RAB3C: variants seen among roughly 807,000 people sequenced by gnomAD.
RAB3C encodes ras-related protein Rab-3C.
A neutral mutation model predicts 26.4 loss-of-function variants in RAB3C; 17 were observed. The observed-to-expected ratio is 0.64, with a 90% confidence interval of 0.44 to 0.97. The LOEUF is 0.97. RAB3C is among the 50% of genes least tolerant of loss of function. RAB3C has a pLI of 0.00. For synonymous variants in RAB3C, 91 were observed against 95.9 expected, an observed-to-expected ratio of 0.95 and a Z score of 0.30; for missense variants, 242 against 281.9, an observed-to-expected ratio of 0.86 and a Z score of 1.01.
intron 1 of RAB3C, among the ~76,000 whole-genome samples, chr5:58,592,199 C>T (rs1384716976): frequency 1.3e-5 from 2 of 152,042 alleles, no homozygotes; most frequent in African/African-American, 4.8e-5. Flanking sequence ...GCACCCAGCC[C>T]TCTATGTTGG....
chr5:58,714,199 T>C (rs898199886), intron 2 of RAB3C, among the ~76,000 whole-genome samples: 48 of 152,078 alleles, frequency 3.2e-4, no homozygotes, highest in African/African-American at 1.1e-3. Flanking sequence ...TGAATGGTAG[T>C]ATGGATGGTG....
chr5:58,664,379 A>T (rs1048831689), intron 2 of RAB3C, among the ~76,000 whole-genome samples: 2 of 152,190 alleles, frequency 1.3e-5, no homozygotes, highest in African/African-American at 4.8e-5. Flanking sequence ...CAAAGGTCAT[A>T]TATTATATGA....
At chr5:58,776,673 C>A (rs534440401) in intron 3 of RAB3C, among the ~76,000 whole-genome samples, 1 of 152,142 alleles carries the variant, frequency 6.6e-6, no homozygotes, top group Non-Finnish European at 1.5e-5. Flanking sequence ...AACAGATAAA[C>A]CACAAATCTT....
chr5:58,658,154 G>A (rs184693838), intron 2 of RAB3C, among the ~76,000 whole-genome samples: 7 of 152,234 alleles, frequency 4.6e-5, no homozygotes, highest in East Asian at 1.9e-4. Context: ...TGCCTATATC[G>A]GGTCATTTAA....
chr5:58,663,225 A>G (rs1231613130), intron 2 of RAB3C, among the ~76,000 whole-genome samples: 1 of 150,000 alleles, frequency 6.7e-6, no homozygotes, highest in Non-Finnish European at 1.5e-5. Flanking sequence ...GGTTTAGAGA[A>G]TTAAAATATT....
At chr5:58,767,500 A>G (rs1376304368) in intron 3 of RAB3C, among the ~76,000 whole-genome samples, 1 of 152,250 alleles carries the variant, frequency 6.6e-6, no homozygotes, top group Non-Finnish European at 1.5e-5. Context: ...GTCCTTGCTG[A>G]ATTCAAAAAG....
chr5:58,751,081 A>C (rs947095113), intron 3 of RAB3C, among the ~76,000 whole-genome samples: 1 of 152,084 alleles, frequency 6.6e-6, no homozygotes, highest in Non-Finnish European at 1.5e-5. Context: ...CTCGAACTCC[A>C]GGCCTCAAGT....
At chr5:58,793,089 T>A (rs1371043077) in intron 3 of RAB3C, among the ~76,000 whole-genome samples, 1 of 151,760 alleles carries the variant, frequency 6.6e-6, no homozygotes, top group East Asian at 1.9e-4. Flanking sequence ...TGGAGGGGAG[T>A]CAGCAGCCCA....
At position 58,852,520 on chromosome 5, in the gene RAB3C, TC is replaced by T. The variant is rs1744135286; in HGVS notation, c.*1171del. ...GATGTTCATAAATTCTAAAGCATATTCCTATTACGTGAATGCTTAAGTTACA... is the reference window on the plus strand; with the variant it reads ...GATGTTCATAAATTCTAAAGCATATTCTATTACGTGAATGCTTAAGTTACA... On this transcript the variant is annotated 3_prime_UTR_variant, in exon 5 of 5. Coordinates refer to ENST00000282878, the MANE Select transcript of RAB3C (RefSeq NM_138453.4). 4.6e-5 allele frequency: 7 copies of T among 152,328 alleles called. No individual in the cohort carries two copies. In the South Asian group the frequency reaches 1.4e-3, roughly 32 times the overall value. The allele number at this position is 152,328 out of a possible 1,614,324, so 9.4% of individuals were successfully genotyped here.
At chr5:58,816,614 A>G (rs1281434526) in intron 3 of RAB3C, among the ~76,000 whole-genome samples, 1 of 152,158 alleles carries the variant, frequency 6.6e-6, no homozygotes, top group Admixed American at 6.6e-5. Context: ...TCCCATACTT[A>G]ATTATGTATT....
intron 3 of RAB3C, among the ~76,000 whole-genome samples, chr5:58,804,232 G>A (rs1742881682): frequency 6.6e-6 from 1 of 152,084 alleles, no homozygotes. Context: ...AATAAGTAGT[G>A]ACCAGCTATA....
intron 1 of RAB3C, 161 bp from the exon 2 acceptor site, chr5:58,617,482 A>T (rs780471105): frequency 1.3e-6 from 1 of 775,528 alleles, no homozygotes; most frequent in South Asian, 1.4e-5. Context: ...TGCCATGGAT[A>T]CCAATATCAG....
chr5:58,830,386 T>C (rs1262519367), intron 4 of RAB3C, among the ~76,000 whole-genome samples: 1 of 152,134 alleles, frequency 6.6e-6, no homozygotes, highest in Non-Finnish European at 1.5e-5. Flanking sequence ...TGGGGGGAGT[T>C]TGCATTCTGT....
At chr5:58,776,224 T>G (rs916946106) in intron 3 of RAB3C, among the ~76,000 whole-genome samples, 3 of 152,116 alleles carry the variant, frequency 2.0e-5, no homozygotes, top group Non-Finnish European at 4.4e-5. Context: ...TACAACTTCC[T>G]CATGCCTCAA....
chr5:58,705,401 T>C (rs958389254), intron 2 of RAB3C, among the ~76,000 whole-genome samples: 1 of 152,288 alleles, frequency 6.6e-6, no homozygotes, highest in East Asian at 1.9e-4. Context: ...TGCAATACTG[T>C]TATTAAGTGA....
chr5:58,688,260 G>T (rs1357601503), intron 2 of RAB3C, among the ~76,000 whole-genome samples: 1 of 152,062 alleles, frequency 6.6e-6, no homozygotes, highest in East Asian at 1.9e-4. Flanking sequence ...AAGCCTGGCT[G>T]GCTGAAGGTT....
chr5:58,738,293 A>G (rs1010925508), intron 3 of RAB3C, among the ~76,000 whole-genome samples: 2 of 152,174 alleles, frequency 1.3e-5, no homozygotes, highest in Non-Finnish European at 2.9e-5. Context: ...TGTGAAAAAA[A>G]AATGTAAAGC....
At chr5:58,601,889 G>T (rs748976234) in intron 1 of RAB3C, among the ~76,000 whole-genome samples, 2 of 151,706 alleles carry the variant, frequency 1.3e-5, no homozygotes, top group Non-Finnish European at 2.9e-5. Flanking sequence ...CCTTCCTTAT[G>T]CTGCTTTTGT....
At chr5:58,720,334 C>T (rs1740721339) in intron 2 of RAB3C, among the ~76,000 whole-genome samples, 1 of 151,790 alleles carries the variant, frequency 6.6e-6, no homozygotes, top group South Asian at 2.1e-4. Flanking sequence ...TGAATATATA[C>T]CTATCACAGT....
Sources: gnomAD v4.1 joint callset for allele counts (sites outside exome capture counted in the v4.1 genomes callset) on GRCh38, gnomAD v4.1.1 for gene constraint, MANE v1.5 for transcripts, NCBI Gene and HGNC (gene_info 2026-07-23, HGNC 2026-07-21) for gene names.